The following CYP7B1 variants were observed in gnomAD, a reference collection of about 807,000 sequenced individuals.
CYP7B1 encodes the protein cytochrome P450 7B1.
In CYP7B1, 29 loss-of-function variants were observed where a neutral mutation model predicts 42.7. That is an observed-to-expected ratio of 0.68 (90% confidence interval 0.51 to 0.93). The LOEUF (loss-of-function observed/expected upper bound fraction) is 0.93. Among genes scored for constraint, CYP7B1 ranks in the 40% least tolerant of loss-of-function variants. The probability of loss-of-function intolerance (pLI) is 0.00; values close to 1 mark genes in which losing one functional copy is unlikely to be tolerated. For synonymous variants in CYP7B1, 235 were observed against 218.2 expected, an observed-to-expected ratio of 1.08 and a Z score of -0.68; for missense variants, 655 against 600.5, an observed-to-expected ratio of 1.09 and a Z score of -0.95.
intron 1 of CYP7B1, among the ~76,000 whole-genome samples, chr8:64,717,485 T>A (rs1044374429): frequency 9.8e-5 from 15 of 152,308 alleles, no homozygotes; most frequent in African/African-American, 3.6e-4. Flanking sequence ...TACCTTTAGG[T>A]AGTCTGAAAG....
At chr8:64,677,406 A>G (rs1015122386) in intron 1 of CYP7B1, among the ~76,000 whole-genome samples, 1 of 142,070 alleles carries the variant, frequency 7.0e-6, no homozygotes, top group Admixed American at 7.5e-5. Context: ...GGAAAAGCCC[A>G]GAAATGAGAT....
chr8:64,671,282 T>C (rs1244494530), intron 1 of CYP7B1, among the ~76,000 whole-genome samples: 2 of 152,048 alleles, frequency 1.3e-5, no homozygotes, highest in Non-Finnish European at 2.9e-5. Context: ...GAAAAAAGGG[T>C]ACAGGATAAA....
At chr8:64,727,406 A>G (rs1459626533) in intron 1 of CYP7B1, among the ~76,000 whole-genome samples, 1 of 152,132 alleles carries the variant, frequency 6.6e-6, no homozygotes, top group Non-Finnish European at 1.5e-5. Flanking sequence ...TTCACTTGAG[A>G]TCTTTTAATG....
At chr8:64,628,073 G>C (rs1805635141) in intron 1 of CYP7B1, among the ~76,000 whole-genome samples, 1 of 152,108 alleles carries the variant, frequency 6.6e-6, no homozygotes, top group Non-Finnish European at 1.5e-5. Flanking sequence ...AAATGAAATA[G>C]GTCCAAAAGC....
At chr8:64,624,328 A>C (rs1805574552) in intron 2 of CYP7B1, 75 bp downstream of exon 2, 1 of 1,410,034 alleles carries the variant, frequency 7.1e-7, no homozygotes, top group Non-Finnish European at 9.9e-7. Flanking sequence ...TTTTGCCTAG[A>C]GAAAAACAGA....
In CYP7B1 at chr8:64,624,439, T is replaced by A. The variant is rs757008581; in HGVS notation, c.223A>T (p.Lys75Ter). The change falls in exon 2 of 6, where the codon AAG becomes TAG. Residue 75 changes from lysine (K) to a stop codon, truncating the protein, a stop_gained. Transcript: ENST00000310193. LOFTEE classifies it high-confidence loss of function. ...DPLRFMKTLQ[K>*]QHGDTFTVLL... is the part of the protein sequence containing the mutation. ...ACTGTGAAAGTGTCACCATGTTGCTTTTGAAGTGTTTTCATGAACCTTAAG... is the reference window on the plus strand; with the variant it reads ...ACTGTGAAAGTGTCACCATGTTGCTATTGAAGTGTTTTCATGAACCTTAAG... 1.9e-6 allele frequency: 3 copies of A among 1,613,798 alleles called. No individual in the cohort carries two copies. Among genetic ancestry groups the A allele is most frequent in the Non-Finnish European group, 2.5e-6 (3 of 1,179,970 alleles).
At chr8:64,619,069 T>A (rs1805490951) in intron 2 of CYP7B1, among the ~76,000 whole-genome samples, 1 of 152,172 alleles carries the variant, frequency 6.6e-6, no homozygotes, top group Non-Finnish European at 1.5e-5. Context: ...CTTTCCAACT[T>A]TTAATCTTCA....
chr8:64,749,301 G>A (rs1243588372), intron 1 of CYP7B1, among the ~76,000 whole-genome samples: 2 of 152,038 alleles, frequency 1.3e-5, no homozygotes, highest in Non-Finnish European at 2.9e-5. Context: ...GGCTGGTCTC[G>A]AACTTGTGAT....
At chr8:64,626,157 A>G (rs578176887) in intron 1 of CYP7B1, among the ~76,000 whole-genome samples, 2 of 152,318 alleles carry the variant, frequency 1.3e-5, no homozygotes, top group South Asian at 4.1e-4. Flanking sequence ...TAAAGTCATG[A>G]AACTATGTAA....
At chr8:64,640,737 G>A (rs1328544566) in intron 1 of CYP7B1, among the ~76,000 whole-genome samples, 1 of 152,058 alleles carries the variant, frequency 6.6e-6, no homozygotes, top group Non-Finnish European at 1.5e-5. Flanking sequence ...AAATATCAGG[G>A]ACCAGGTCTC....
In CYP7B1 at chr8:64,616,295, A is replaced by AG. The variant is rs762748027; in HGVS notation, c.260-15_260-14insC. On this transcript the variant is annotated splice_polypyrimidine_tract_variant and intron_variant, in intron 2 of 5. Coordinates refer to ENST00000310193, the MANE Select transcript of CYP7B1 (RefSeq NM_004820.5). The stretch of plus-strand genomic sequence containing the variant: ...TTATGTACTTTCCTAGAAAAAAAAA[A>AG]AGAGAGAGAAAATATGAGTTCGTTT... 1.2e-4 allele frequency: 178 copies of AG among 1,477,718 alleles called. 1 individual carries two copies. The South Asian group carries it at 1.3e-3, about 10-fold the overall frequency. 91.5% of individuals were successfully genotyped at this position (1,477,718 alleles called of 1,614,324 possible).
chr8:64,710,936 T>G (rs920874598), intron 1 of CYP7B1, among the ~76,000 whole-genome samples: 1 of 152,108 alleles, frequency 6.6e-6, no homozygotes, highest in African/African-American at 2.4e-5. Context: ...TAGTTTAAAA[T>G]AGGAAAACTC....
At chr8:64,689,236 T>C (rs921435148) in intron 1 of CYP7B1, among the ~76,000 whole-genome samples, 2 of 152,224 alleles carry the variant, frequency 1.3e-5, no homozygotes, top group African/African-American at 4.8e-5. Flanking sequence ...AAAATACTCA[T>C]AAGTGAGTTA....
intron 1 of CYP7B1, among the ~76,000 whole-genome samples, chr8:64,782,150 A>C (rs1377651106): frequency 2.0e-5 from 3 of 152,082 alleles, no homozygotes; most frequent in African/African-American, 7.2e-5. Context: ...CCATGACACC[A>C]CTTTCTGCAA....
chr8:64,729,693 C>T (rs1807380154), intron 1 of CYP7B1, among the ~76,000 whole-genome samples: 2 of 152,168 alleles, frequency 1.3e-5, no homozygotes. Context: ...ATGAAACTTA[C>T]AAGAAATGGG....
chr8:64,666,033 G>C (rs1345083006), intron 1 of CYP7B1, among the ~76,000 whole-genome samples: 2 of 152,176 alleles, frequency 1.3e-5, no homozygotes, highest in Admixed American at 6.5e-5. Flanking sequence ...CATGCACTGA[G>C]AGAAAAGATA....
At chr8:64,679,572 CTTCTAT>C (rs1806505472) in intron 1 of CYP7B1, among the ~76,000 whole-genome samples, 1 of 152,004 alleles carries the variant, frequency 6.6e-6, no homozygotes, top group Non-Finnish European at 1.5e-5. Context: ...TGCTTTCTAA[CTTCTAT>C]TTCTATTTCT....
intron 1 of CYP7B1, among the ~76,000 whole-genome samples, chr8:64,777,710 T>C (rs1035190920): frequency 2.0e-5 from 3 of 152,080 alleles, no homozygotes; most frequent in Non-Finnish European, 2.9e-5. Context: ...ATGTTATCTA[T>C]AACCCAAAGA....
At chr8:64,634,611 T>C (rs1017193562) in intron 1 of CYP7B1, among the ~76,000 whole-genome samples, 1 of 151,358 alleles carries the variant, frequency 6.6e-6, no homozygotes, top group Non-Finnish European at 1.5e-5. Flanking sequence ...AAAGAAATGC[T>C]ATGTTGGTGT....
Sources: gnomAD v4.1 joint callset for allele counts (sites outside exome capture counted in the v4.1 genomes callset) on GRCh38, gnomAD v4.1.1 for gene constraint, MANE v1.5 for transcripts, NCBI Gene and HGNC (gene_info 2026-07-23, HGNC 2026-07-21) for gene names.